The following LRFN5 variants were observed in gnomAD, a reference collection of about 807,000 sequenced individuals.
LRFN5 encodes the protein leucine-rich repeat and fibronectin type-III domain-containing protein 5.
LRFN5 carries 24 observed loss-of-function variants against 45.6 expected under a neutral mutation model. The ratio of observed to expected loss-of-function variants is 0.53; its 90% confidence interval spans 0.38 to 0.74. LRFN5 has a LOEUF of 0.74. Among genes scored for constraint, LRFN5 ranks in the 30% least tolerant of loss-of-function variants. The pLI, the probability that LRFN5 is intolerant of heterozygous loss-of-function variation, is 0.00. For synonymous variants in LRFN5, 340 were observed against 313.8 expected (o/e 1.08, Z -0.88); for missense variants, 776 against 861.5 (o/e 0.90, Z 1.24).
At chr14:41,819,517 T>C (rs1888038107) in intron 2 of LRFN5, among the ~76,000 whole-genome samples, 1 of 152,172 alleles carries the variant, frequency 6.6e-6, no homozygotes, top group Admixed American at 6.6e-5. Context: ...TGAGACTGGA[T>C]AATTTTTATA....
chr14:41,796,202 G>T (rs1452723868), intron 2 of LRFN5, among the ~76,000 whole-genome samples: 1 of 151,834 alleles, frequency 6.6e-6, no homozygotes, highest in Non-Finnish European at 1.5e-5. Context: ...ACCTCTTAAA[G>T]ATTGATATTA....
chr14:41,690,346 G>A (rs915407557), intron 1 of LRFN5, among the ~76,000 whole-genome samples: 8 of 152,174 alleles, frequency 5.3e-5, no homozygotes, highest in African/African-American at 1.9e-4. Flanking sequence ...TTGAGGCCAG[G>A]AGTTCAAGAT....
At chr14:41,705,421 T>G (rs7141285) in intron 1 of LRFN5, among the ~76,000 whole-genome samples, 31,317 of 152,076 alleles carry the variant, frequency 0.21, 3,625 homozygotes, top group East Asian at 0.46. Flanking sequence ...GGAACATATA[T>G]GAAATAATAC....
At position 41,766,936 on chromosome 14, in the gene LRFN5, G is replaced by A. The variant is rs1351303891; in HGVS notation, c.-114G>A. The A allele has an allele frequency of 3.3e-5, 5 of 152,602 alleles. No homozygotes were observed. In the South Asian group the frequency reaches 6.2e-4, roughly 19 times the overall value. The allele number at this position is 152,602 out of a possible 1,614,324, so 9.5% of individuals were successfully genotyped here. ...CTTTTGACACCGTCCTCTGAAATCAGCTTTGGAGATGCTTTCACTCTGTCC... is the reference window on the plus strand; with the variant it reads ...CTTTTGACACCGTCCTCTGAAATCAACTTTGGAGATGCTTTCACTCTGTCC... On this transcript the variant is annotated 5_prime_UTR_variant, in exon 2 of 6. Coordinates refer to ENST00000298119, the MANE Select transcript of LRFN5 (RefSeq NM_152447.5).
intron 2 of LRFN5, among the ~76,000 whole-genome samples, chr14:41,811,756 G>A (rs547073415): frequency 1.8e-4 from 27 of 152,150 alleles, no homozygotes; most frequent in Non-Finnish European, 1.2e-4. Flanking sequence ...TAGGACTTGG[G>A]TCAGGTGGGA....
chr14:41,723,256 G>A (rs1025260698), intron 1 of LRFN5, among the ~76,000 whole-genome samples: 1 of 152,152 alleles, frequency 6.6e-6, no homozygotes, highest in Non-Finnish European at 1.5e-5. Flanking sequence ...GCACAGAAAG[G>A]GTGGTGTGGC....
At chr14:41,833,472 A>T (rs187198931) in intron 2 of LRFN5, among the ~76,000 whole-genome samples, 1 of 152,278 alleles carries the variant, frequency 6.6e-6, no homozygotes, top group Admixed American at 6.5e-5. Flanking sequence ...GCCACTACAC[A>T]TGAGTTACAG....
At chr14:41,640,698 T>C (rs1879535339) in intron 1 of LRFN5, among the ~76,000 whole-genome samples, 1 of 152,138 alleles carries the variant, frequency 6.6e-6, no homozygotes, top group Non-Finnish European at 1.5e-5. Context: ...TCTTGAGGCT[T>C]CCTTATTTGC....
rs141273200 is a variant in LRFN5 at position 41,768,435 on chromosome 14, T to C, written c.-21+1406T>C. On this transcript the variant is annotated intron_variant, in intron 2 of 5. Coordinates refer to ENST00000298119, the MANE Select transcript of LRFN5 (RefSeq NM_152447.5). ...ATTCCAAACATGATTTTAGTGTAGGTTTCTTCTTCCTATATTTTGTTACCT... is the reference window on the plus strand; with the variant it reads ...ATTCCAAACATGATTTTAGTGTAGGCTTCTTCTTCCTATATTTTGTTACCT... 6.2e-3 allele frequency among the ~76,000 whole-genome samples: 937 copies of C among 152,220 alleles called. 11 individuals are homozygous for C. Among genetic ancestry groups the C allele is most frequent in the African/African-American group, 0.022 (902 of 41,552 alleles).
Position 41,891,922 on chromosome 14 carries a change from C to G in LRFN5, c.2058C>G (p.Val686=), listed in dbSNP as rs551906068. Residue 686 remains valine, a synonymous_variant, in exon 4 of 6, where the codon GTC becomes GTG. Transcript: ENST00000298119. ...TAGCTAGCCGTCCTCCCGATTCTGTCACAGAGGGGCCCACGTCTAAAAGAG... is the reference window on the plus strand; with the variant it reads ...TAGCTAGCCGTCCTCCCGATTCTGTGACAGAGGGGCCCACGTCTAAAAGAG... The part of the protein sequence containing the change: ...LQLASRPPDS[V]TEGPTSKRAH... 3 of 1,614,024 alleles carry G rather than the reference C, an allele frequency of 1.9e-6. No homozygotes were observed. In the South Asian group the frequency reaches 3.3e-5, roughly 18 times the overall value.
At chr14:41,897,633 A>C (rs570656931) in intron 4 of LRFN5, among the ~76,000 whole-genome samples, 7 of 152,146 alleles carry the variant, frequency 4.6e-5, no homozygotes, top group Non-Finnish European at 7.4e-5. Flanking sequence ...GAGAACTCCC[A>C]GAAAAACTGT....
chr14:41,616,637 A>T (rs1433349875), intron 1 of LRFN5, among the ~76,000 whole-genome samples: 4 of 152,174 alleles, frequency 2.6e-5, no homozygotes, highest in Non-Finnish European at 4.4e-5. Context: ...GAAGAAAATG[A>T]CATGTAAACT....
chr14:41,824,814 C>G (rs1888237999), intron 2 of LRFN5, among the ~76,000 whole-genome samples: 1 of 151,990 alleles, frequency 6.6e-6, no homozygotes. Flanking sequence ...TAGCACTGCC[C>G]CTTATGGAAG....
intron 2 of LRFN5, among the ~76,000 whole-genome samples, chr14:41,830,545 A>G (rs575422168): frequency 6.6e-6 from 1 of 152,266 alleles, no homozygotes; most frequent in South Asian, 2.1e-4. Flanking sequence ...GTCAGTGTTG[A>G]TCAGGAAAGC....
intron 2 of LRFN5, among the ~76,000 whole-genome samples, chr14:41,886,019 C>CACAA (rs1555329599): frequency 0.011 from 957 of 88,782 alleles, 11 homozygotes; most frequent in African/African-American, 0.043. Flanking sequence ...AGGCTCGTCT[C>CACAA]AAAAAAAAAA....
chr14:41,850,150 A>T (rs1046324201), intron 2 of LRFN5, among the ~76,000 whole-genome samples: 65 of 152,086 alleles, frequency 4.3e-4, no homozygotes, highest in African/African-American at 1.4e-3. Context: ...TGTATTATGT[A>T]CATGTATACT....
chr14:41,741,008 T>C (rs1305000235), intron 1 of LRFN5, among the ~76,000 whole-genome samples: 1 of 149,934 alleles, frequency 6.7e-6, no homozygotes, highest in African/African-American at 2.4e-5. Context: ...TATTTAGGAA[T>C]ACATTTAACT....
chr14:41,749,757 T>C (rs995847504), intron 1 of LRFN5, among the ~76,000 whole-genome samples: 2 of 152,136 alleles, frequency 1.3e-5, no homozygotes, highest in East Asian at 1.9e-4. Context: ...CAGACTCCCA[T>C]GACACATGTT....
intron 1 of LRFN5, among the ~76,000 whole-genome samples, chr14:41,716,993 C>T (rs1883520252): frequency 6.6e-6 from 1 of 152,152 alleles, no homozygotes; most frequent in African/African-American, 2.4e-5. Context: ...TAGAGTCTTT[C>T]AACCTTTGTT....
Sources: allele counts gnomAD v4.1 joint callset (sites outside exome capture counted in the v4.1 genomes callset), GRCh38; gene constraint gnomAD v4.1.1; transcripts MANE v1.5; gene names NCBI Gene and HGNC (gene_info 2026-07-23, HGNC 2026-07-21).